The following WWOX variants were observed in gnomAD, a reference collection of about 807,000 sequenced individuals.
WWOX encodes WW domain-containing oxidoreductase.
Under a neutral mutation model 46.2 loss-of-function variants are expected in WWOX, and 69 were observed. That is an observed-to-expected ratio of 1.49 (90% CI 1.23 to 1.82). The LOEUF is 1.82. Among genes scored for constraint, WWOX ranks in the 40% most tolerant of loss-of-function variants. The probability of loss-of-function intolerance (pLI) is 0.00; values close to 1 mark genes in which losing one functional copy is unlikely to be tolerated. For missense variants in WWOX, 919 were observed against 542.6 expected (o/e 1.69, Z -6.89); for synonymous variants, 359 against 202.6 (o/e 1.77, Z -6.56).
At chr16:79,002,618 C>G (rs13337633) in intron 8 of WWOX, among the ~76,000 whole-genome samples, 19,039 of 152,216 alleles carry the variant, frequency 0.13, 1,315 homozygotes, top group East Asian at 0.26. Context: ...TGAGCTCTGA[C>G]TTTGCATGAG....
intron 8 of WWOX, among the ~76,000 whole-genome samples, chr16:78,775,309 A>G (rs1175632459): frequency 6.6e-6 from 1 of 152,174 alleles, no homozygotes; most frequent in African/African-American, 2.4e-5. Context: ...GTTCACAGCA[A>G]TGCCTTTGAG....
chr16:78,746,611 T>C lies in WWOX; in HGVS notation c.1056+313859T>C, dbSNP rs149701260. ...TTGGCCTTGTAATTTTTTTTTTTCATGGGATATTAGTCAACATGATGTGAG... is the reference window on the plus strand; with the variant it reads ...TTGGCCTTGTAATTTTTTTTTTTCACGGGATATTAGTCAACATGATGTGAG... On this transcript the variant is annotated intron_variant, in intron 8 of 8. Coordinates refer to ENST00000566780, the MANE Select transcript of WWOX (RefSeq NM_016373.4). 4.4e-3 allele frequency among the ~76,000 whole-genome samples: 662 copies of C among 152,110 alleles called. 4 individuals carry two copies. The highest frequency in any genetic ancestry group is 0.014 in the African/African-American group (598 of 41,498).
chr16:78,155,750 C>A (rs1567603200), intron 4 of WWOX, among the ~76,000 whole-genome samples: 1 of 152,176 alleles, frequency 6.6e-6, no homozygotes, highest in Non-Finnish European at 1.5e-5. Context: ...TTATTTTGCA[C>A]AAACTTTGGC....
intron 8 of WWOX, among the ~76,000 whole-genome samples, chr16:79,070,714 G>A (rs62040130): frequency 0.013 from 1,920 of 152,286 alleles, 19 homozygotes; most frequent in South Asian, 0.023. Flanking sequence ...AGTCAGTGGT[G>A]CAAGCTTCAA....
At chr16:78,281,755 A>G (rs1352883591) in intron 5 of WWOX, among the ~76,000 whole-genome samples, 3 of 152,108 alleles carry the variant, frequency 2.0e-5, no homozygotes, top group Admixed American at 6.5e-5. Context: ...AAAAATGTGA[A>G]GCATTTTTAG....
chr16:78,297,234 C>T (rs192307662), intron 5 of WWOX, among the ~76,000 whole-genome samples: 12 of 152,268 alleles, frequency 7.9e-5, no homozygotes, highest in Non-Finnish European at 1.5e-4. Context: ...GAGCATGCAG[C>T]TGTGTAAACC....
chr16:78,785,464 A>C (rs781359853), intron 8 of WWOX, among the ~76,000 whole-genome samples: 1 of 152,232 alleles, frequency 6.6e-6, no homozygotes, highest in Non-Finnish European at 1.5e-5. Flanking sequence ...GGCTCTCTGA[A>C]AAACAAACAA....
Position 78,588,498 on chromosome 16 carries a change from C to G in WWOX, c.1056+155746C>G, listed in dbSNP as rs552807740. Among the ~76,000 whole-genome samples the G allele has an allele frequency of 2.0e-5, 3 of 152,242 alleles. No homozygotes were observed. The East Asian group carries it at 5.8e-4, about 29-fold the overall frequency. ...CTCTGAAAGTTATTTTTGTAGTGGC[C>G]TCACAAGTTTCTTGTAGCAGGTCAT... is the stretch of plus-strand genomic sequence containing the variant. On this transcript the variant is annotated intron_variant, in intron 8 of 8. Transcript: ENST00000566780.
At chr16:78,199,808 A>G (rs2036177326) in intron 5 of WWOX, among the ~76,000 whole-genome samples, 2 of 152,200 alleles carry the variant, frequency 1.3e-5, no homozygotes, top group African/African-American at 4.8e-5. Flanking sequence ...CTCTCTTGTC[A>G]GAATCCAGCA....
At chr16:78,324,591 T>G (rs978575098) in intron 5 of WWOX, among the ~76,000 whole-genome samples, 1 of 152,176 alleles carries the variant, frequency 6.6e-6, no homozygotes, top group Admixed American at 6.5e-5. Context: ...AATGGAATAT[T>G]CCATTTTATA....
At chr16:78,427,928 T>G (rs1472283017) in intron 7 of WWOX, among the ~76,000 whole-genome samples, 1 of 152,034 alleles carries the variant, frequency 6.6e-6, no homozygotes, top group Admixed American at 6.5e-5. Flanking sequence ...ATTAGCCAGG[T>G]GTGGTGGTGC....
At chr16:78,499,779 G>A (rs1162051467) in intron 8 of WWOX, among the ~76,000 whole-genome samples, 2 of 152,162 alleles carry the variant, frequency 1.3e-5, no homozygotes, top group Non-Finnish European at 2.9e-5. Context: ...TCCGTGGAAC[G>A]CATTTGTAAG....
At chr16:78,422,846 C>CATAT (rs1567563723) in intron 6 of WWOX, among the ~76,000 whole-genome samples, 20 of 13,356 alleles carry the variant, frequency 1.5e-3, no homozygotes, top group Non-Finnish European at 1.9e-3. Context: ...TATACATATA[C>CATAT]ACACACACAC....
intron 8 of WWOX, among the ~76,000 whole-genome samples, chr16:78,742,732 G>A (rs554244554): frequency 1.3e-5 from 2 of 152,274 alleles, no homozygotes; most frequent in East Asian, 3.9e-4. Flanking sequence ...ACACAGTTTT[G>A]TTTTCACTTT....
rs61521624 is a variant in WWOX at position 78,111,305 on chromosome 16, G to C, written c.230+1470G>C. Among the ~76,000 whole-genome samples, 895 of 152,334 alleles carry C rather than the reference G, an allele frequency of 5.9e-3. 9 individuals carry two copies. Among genetic ancestry groups the C allele is most frequent in the African/African-American group, 0.021 (857 of 41,568 alleles). Reference sequence around the variant, plus strand: ...AGTCATAATACAGGTTAGATATGGAGATGATCATGGACAATTATCAATCAT... The same window carrying C: ...AGTCATAATACAGGTTAGATATGGACATGATCATGGACAATTATCAATCAT... On this transcript the variant is annotated intron_variant, in intron 3 of 8. Transcript: ENST00000566780.
chr16:78,929,136 A>G (rs994752926), intron 8 of WWOX, among the ~76,000 whole-genome samples: 1 of 152,204 alleles, frequency 6.6e-6, no homozygotes, highest in East Asian at 1.9e-4. Context: ...CAAGAAATCC[A>G]TTTAAGAATA....
intron 8 of WWOX, among the ~76,000 whole-genome samples, chr16:79,086,370 C>T (rs976554133): frequency 1.3e-5 from 2 of 152,172 alleles, no homozygotes; most frequent in Non-Finnish European, 2.9e-5. Context: ...AAAATGCAAG[C>T]TTTGAGATGA....
chr16:78,372,978 A>G (rs1486709577), intron 5 of WWOX, among the ~76,000 whole-genome samples: 1 of 152,148 alleles, frequency 6.6e-6, no homozygotes, highest in African/African-American at 2.4e-5. Context: ...ATAATGGGCT[A>G]TTGTCTCTCA....
intron 8 of WWOX, among the ~76,000 whole-genome samples, chr16:79,053,237 C>A (rs970580814): frequency 6.6e-6 from 1 of 152,220 alleles, no homozygotes; most frequent in East Asian, 1.9e-4. Flanking sequence ...TGCACACATA[C>A]GTAATTACAA....
Sources: gnomAD v4.1 joint callset for allele counts (sites outside exome capture counted in the v4.1 genomes callset) on GRCh38, gnomAD v4.1.1 for gene constraint, MANE v1.5 for transcripts, NCBI Gene and HGNC (gene_info 2026-07-23, HGNC 2026-07-21) for gene names.